Variants in MYO1B observed in about 807,000 individuals in gnomAD.
The protein encoded by MYO1B is unconventional myosin-Ib.
A neutral mutation model predicts 159.7 loss-of-function variants in MYO1B; 72 were observed. The ratio of observed to expected loss-of-function variants is 0.45; its 90% CI spans 0.37 to 0.55. The LOEUF (loss-of-function observed/expected upper bound fraction) is 0.55. Ranked by LOEUF, MYO1B falls within the 20% of genes least tolerant of loss-of-function variation. The pLI, the probability that MYO1B is intolerant of heterozygous loss-of-function variation, is 0.00. For missense variants in MYO1B, 1,062 were observed against 1,364.8 expected (o/e 0.78, Z 3.50); for synonymous variants, 468 against 473.8 (o/e 0.99, Z 0.16).
intron 4 of MYO1B, among the ~76,000 whole-genome samples, chr2:191,335,125 A>G (rs527976796): frequency 6.6e-6 from 1 of 152,182 alleles, no homozygotes; most frequent in East Asian, 1.9e-4. Flanking sequence ...GTCTGTTATC[A>G]CTAAGACGCC....
At chr2:191,287,252 G>A (rs546047229) in intron 2 of MYO1B, among the ~76,000 whole-genome samples, 3 of 152,260 alleles carry the variant, frequency 2.0e-5, no homozygotes, top group Admixed American at 2.0e-4. Flanking sequence ...CTCAGGCCAG[G>A]CGCGGTGGCT....
chr2:191,295,651 GA>G (rs774593691), intron 2 of MYO1B, among the ~76,000 whole-genome samples: 21 of 152,260 alleles, frequency 1.4e-4, no homozygotes, highest in Middle Eastern at 3.4e-3. Context: ...GTGCCAAAGG[GA>G]AGGCCCTATG....
chr2:191,333,958 C>T (rs552088501), intron 4 of MYO1B, among the ~76,000 whole-genome samples: 1 of 152,224 alleles, frequency 6.6e-6, no homozygotes, highest in African/African-American at 2.4e-5. Context: ...TCTACGCCCA[C>T]CCCTCCCCCC....
At chr2:191,391,399 G>A (rs1478683755) in intron 18 of MYO1B, among the ~76,000 whole-genome samples, 2 of 152,234 alleles carry the variant, frequency 1.3e-5, no homozygotes, top group Non-Finnish European at 2.9e-5. Context: ...AACTCCAGAT[G>A]TATGGTGCGG....
chr2:191,379,012 A>G (rs1694886654), intron 13 of MYO1B, among the ~76,000 whole-genome samples: 1 of 152,110 alleles, frequency 6.6e-6, no homozygotes, highest in Non-Finnish European at 1.5e-5. Context: ...TTTCAGTCAA[A>G]CTGTTTTTAT....
chr2:191,266,407 T>G (rs1395400402), intron 1 of MYO1B, among the ~76,000 whole-genome samples: 1 of 152,216 alleles, frequency 6.6e-6, no homozygotes, highest in Non-Finnish European at 1.5e-5. Flanking sequence ...CCAGCCTGGG[T>G]CTGTGGCTCC....
chr2:191,263,231 A>G, intron 1 of MYO1B: 1 of 683,378 alleles, frequency 1.5e-6, no homozygotes, highest in Non-Finnish European at 1.8e-6. Flanking sequence ...TAGCCACAGG[A>G]TATTGACCTA....
At chr2:191,390,740 G>A (rs1242170817) in intron 18 of MYO1B, among the ~76,000 whole-genome samples, 1 of 152,204 alleles carries the variant, frequency 6.6e-6, no homozygotes, top group African/African-American at 2.4e-5. Context: ...TTCGTAGGAG[G>A]TGGTTTGTAA....
chr2:191,410,128 C>T (rs1276025947), intron 26 of MYO1B, among the ~76,000 whole-genome samples: 9 of 152,172 alleles, frequency 5.9e-5, no homozygotes, highest in Non-Finnish European at 2.9e-5. Context: ...TGGCTTGTCT[C>T]CTTTCTTGAG....
At chr2:191,300,233 T>G (rs1202703765) in intron 3 of MYO1B, among the ~76,000 whole-genome samples, 3 of 152,196 alleles carry the variant, frequency 2.0e-5, no homozygotes, top group East Asian at 1.9e-4. Flanking sequence ...TTCATGAATT[T>G]AGTTCCAGTT....
chr2:191,408,052 G>A, intron 24 of MYO1B, 63 bp from the exon 25 acceptor site: 1 of 1,051,208 alleles, frequency 9.5e-7, no homozygotes, highest in Non-Finnish European at 1.4e-6. Context: ...TAATAGAGGT[G>A]TATCATTATG....
intron 17 of MYO1B, chr2:191,387,804 T>C (rs540801482): frequency 8.3e-5 from 26 of 314,200 alleles, no homozygotes; most frequent in African/African-American, 5.6e-4. Context: ...CAGAAAACTC[T>C]TGTTGGCTTC....
chr2:191,318,593 C>A (rs1690502489), intron 3 of MYO1B, among the ~76,000 whole-genome samples: 1 of 152,174 alleles, frequency 6.6e-6, no homozygotes, highest in South Asian at 2.1e-4. Context: ...AGTCTTTTAT[C>A]AGATAACTTT....
chr2:191,396,334 C>T, intron 20 of MYO1B, 95 bp from the exon 21 acceptor site: 1 of 1,276,818 alleles, frequency 7.8e-7, no homozygotes, highest in Non-Finnish European at 1.1e-6. Flanking sequence ...ATAATTGAGT[C>T]AGTTAGACGA....
chr2:191,383,999 G>A (rs1695255268), intron 15 of MYO1B, among the ~76,000 whole-genome samples: 1 of 152,214 alleles, frequency 6.6e-6, no homozygotes, highest in Non-Finnish European at 1.5e-5. Flanking sequence ...CATACATGCA[G>A]AGGGCATTGC....
At chr2:191,408,298 A>G (rs542476543) in intron 25 of MYO1B, 109 bp downstream of exon 25, 87 of 697,448 alleles carry the variant, frequency 1.2e-4, no homozygotes, top group Admixed American at 6.7e-4. Context: ...GTGACTTTTT[A>G]AATAATAATT....
At chr2:191,258,936 G>A (rs570317914) in intron 1 of MYO1B, among the ~76,000 whole-genome samples, 1 of 152,304 alleles carries the variant, frequency 6.6e-6, no homozygotes, top group East Asian at 1.9e-4. Flanking sequence ...GTGTCTCATG[G>A]ACCCTGGGCT....
chr2:191,402,781 C>T, intron 24 of MYO1B, 63 bp downstream of exon 24: 1 of 1,273,266 alleles, frequency 7.9e-7, no homozygotes, highest in Non-Finnish European at 1.1e-6. Context: ...ACCTACTAAC[C>T]CTGAGAAAAT....
chr2:191,399,133 GCA>G (rs1696426270), intron 21 of MYO1B, among the ~76,000 whole-genome samples: 1 of 152,158 alleles, frequency 6.6e-6, no homozygotes, highest in Non-Finnish European at 1.5e-5. Context: ...AGGCGTGGCG[GCA>G]CGCACCTGCA....
Sources: allele counts gnomAD v4.1 joint callset (sites outside exome capture counted in the v4.1 genomes callset), GRCh38; gene constraint gnomAD v4.1.1; transcripts MANE v1.5; gene names NCBI Gene and HGNC (gene_info 2026-07-23, HGNC 2026-07-21).